Variants in SANBR observed in about 807,000 individuals in gnomAD.
SANBR encodes SANT and BTB domain regulator of class switch recombination.
SANBR carries 77 observed loss-of-function variants against 101.8 expected under a neutral mutation model. That is an observed-to-expected ratio of 0.76 (90% CI 0.63 to 0.91). SANBR has a LOEUF of 0.91. Among genes scored for constraint, SANBR ranks in the 40% least tolerant of loss-of-function variants. The pLI is 0.00. For synonymous variants in SANBR, 279 were observed against 274.7 expected (o/e 1.02, Z -0.15); for missense variants, 875 against 853.0 (o/e 1.03, Z -0.32).
At chr2:61,131,366 A>C (rs1257103740) in intron 20 of SANBR, among the ~76,000 whole-genome samples, 1 of 152,246 alleles carries the variant, frequency 6.6e-6, no homozygotes, top group African/African-American at 2.4e-5. Flanking sequence ...ATATAGGATC[A>C]ATATGAAGAA....
At chr2:61,128,075 A>G (rs1366134716), downstream of SANBR, among the ~76,000 whole-genome samples, 1 of 151,916 alleles carries the variant, frequency 6.6e-6, no homozygotes, top group Non-Finnish European at 1.5e-5. Flanking sequence ...GATTGAGACC[A>G]TCCTGGCTAA....
At chr2:61,134,051 A>G in intron 20 of SANBR, 4 of 1,560,938 alleles carry the variant, frequency 2.6e-6, no homozygotes, top group Non-Finnish European at 3.5e-6. Context: ...TAACAGCTAC[A>G]TCATTTTGTT....
At chr2:61,134,768 C>T (rs1684795262) in intron 21 of SANBR, among the ~76,000 whole-genome samples, 1 of 152,002 alleles carries the variant, frequency 6.6e-6, no homozygotes, top group South Asian at 2.1e-4. Context: ...GTGGCACATG[C>T]CTGTAGTCCC....
chr2:61,108,445 T>G, intron 15 of SANBR, 96 bp downstream of exon 15: 1 of 770,826 alleles, frequency 1.3e-6, no homozygotes, highest in Non-Finnish European at 2.0e-6. Context: ...TTTTACAAAT[T>G]TTAGTTAAAT....
intron 8 of SANBR, among the ~76,000 whole-genome samples, chr2:61,086,757 G>C (rs555395423): frequency 6.6e-6 from 1 of 152,130 alleles, no homozygotes; most frequent in South Asian, 2.1e-4. Context: ...TGTTTTTTTA[G>C]GAAGGGAGAT....
chr2:61,097,609 A>G, intron 11 of SANBR, 91 bp from the exon 12 acceptor site: 1 of 999,088 alleles, frequency 1.0e-6, no homozygotes. Context: ...TTCATATAAA[A>G]ATGGAACATA....
At chr2:61,120,848 C>T (rs1573670799) in intron 20 of SANBR, among the ~76,000 whole-genome samples, 1 of 152,082 alleles carries the variant, frequency 6.6e-6, no homozygotes, top group Non-Finnish European at 1.5e-5. Context: ...CTGGAAAATG[C>T]AAAACTATGG....
At chr2:61,110,844 A>T (rs1683796113) in intron 16 of SANBR, among the ~76,000 whole-genome samples, 1 of 111,644 alleles carries the variant, frequency 9.0e-6, no homozygotes, top group African/African-American at 3.1e-5. Flanking sequence ...GTGAAACTCC[A>T]TCTAAAAAAA....
chr2:61,121,708 G>A (rs1162446574), intron 21 of SANBR: 1 of 174,608 alleles, frequency 5.7e-6, no homozygotes, highest in Admixed American at 5.9e-5. Flanking sequence ...TTTTCTGTTA[G>A]AGATTAACAG....
downstream of SANBR, among the ~76,000 whole-genome samples, chr2:61,124,818 A>G (rs1442846078): frequency 6.6e-6 from 1 of 152,178 alleles, no homozygotes; most frequent in Admixed American, 6.6e-5. Flanking sequence ...GATTGTACAC[A>G]ATTGCATTTA....
intron 12 of SANBR, 121 bp from the exon 13 acceptor site, chr2:61,103,732 G>C: frequency 1.1e-6 from 1 of 887,476 alleles, no homozygotes; most frequent in East Asian, 2.6e-5. Context: ...TGTTTTTCTT[G>C]AGAAAAAGTT....
At chr2:61,071,408 G>A (rs1681460191) in intron 3 of SANBR, among the ~76,000 whole-genome samples, 198 bp from the exon 4 acceptor site, 1 of 151,990 alleles carries the variant, frequency 6.6e-6, no homozygotes, top group African/African-American at 2.4e-5. Flanking sequence ...AAATTTGCTG[G>A]GCATGGTGGC....
At chr2:61,067,460 G>A (rs942243974) in intron 1 of SANBR, among the ~76,000 whole-genome samples, 2 of 152,146 alleles carry the variant, frequency 1.3e-5, no homozygotes, top group African/African-American at 2.4e-5. Flanking sequence ...CGCCCTGGCC[G>A]GGTGCAGTGG....
In SANBR at chr2:61,088,433, G is replaced by A. The variant is rs1414079370; in HGVS notation, c.1053G>A (p.Val351=). The A allele has an allele frequency of 6.2e-7, 1 of 1,607,986 alleles. No individual in the cohort carries two copies. The highest frequency in any genetic ancestry group is 1.7e-5 in the Admixed American group (1 of 59,192). ...RIPCIPGKIN[V]DRRGNIVYIH... is the part of the protein sequence containing the mutation. Reference sequence around the variant, plus strand: ...CTTGCATTCCTGGAAAAATCAATGTGGATCGACGTGGAAATATTGTCTATA... The same window carrying A: ...CTTGCATTCCTGGAAAAATCAATGTAGATCGACGTGGAAATATTGTCTATA... The change falls in exon 10 of 22, where the codon GTG becomes GTA. Residue 351 remains valine, a synonymous_variant. Coordinates refer to ENST00000402291, the MANE Select transcript of SANBR (RefSeq NM_001129993.3).
intron 5 of SANBR, among the ~76,000 whole-genome samples, chr2:61,074,682 G>A (rs1443932458): frequency 6.6e-6 from 1 of 151,938 alleles, no homozygotes. Flanking sequence ...GGGATTACAG[G>A]TGTGATCCAC....
At chr2:61,134,643 C>A (rs908355196) in intron 21 of SANBR, among the ~76,000 whole-genome samples, 1 of 152,190 alleles carries the variant, frequency 6.6e-6, no homozygotes, top group African/African-American at 2.4e-5. Flanking sequence ...GCCTGTAGTC[C>A]CAGCATTTTG....
intron 6 of SANBR, among the ~76,000 whole-genome samples, chr2:61,078,429 C>T (rs919030945): frequency 1.3e-5 from 2 of 148,988 alleles, no homozygotes; most frequent in African/African-American, 4.9e-5. Flanking sequence ...ACTCTTTACT[C>T]TTTTTTTTTT....
In SANBR at chr2:61,123,553, A is replaced by G. The variant is rs991534252; in HGVS notation, c.*1391A>G. 1 of 962,374 alleles carries G rather than the reference A, an allele frequency of 1.0e-6. No individual in the cohort carries two copies. Among genetic ancestry groups the G allele is most frequent in the African/African-American group, 1.8e-5 (1 of 56,842 alleles). 59.6% of individuals were successfully genotyped at this position (962,374 alleles called of 1,614,324 possible). A position where few individuals can be genotyped will look rare whatever the true frequency, so the allele number is the denominator to read the frequency against. On this transcript the variant is annotated 3_prime_UTR_variant, in exon 22 of 22. Transcript: ENST00000402291. Reference sequence around the variant, plus strand: ...TTCGAAAGAAAATGTCTTGTAGTACATATTATATGTAAGTACTCTGTTAAA... The same window carrying G: ...TTCGAAAGAAAATGTCTTGTAGTACGTATTATATGTAAGTACTCTGTTAAA...
downstream of SANBR, among the ~76,000 whole-genome samples, chr2:61,126,826 C>G (rs900675255): frequency 2.6e-5 from 4 of 151,948 alleles, no homozygotes; most frequent in Non-Finnish European, 5.9e-5. Flanking sequence ...TGGCCTACCC[C>G]CTGGCTGCCT....
Sources: allele counts gnomAD v4.1 joint callset (sites outside exome capture counted in the v4.1 genomes callset), GRCh38; gene constraint gnomAD v4.1.1; transcripts MANE v1.5; gene names NCBI Gene and HGNC (gene_info 2026-07-23, HGNC 2026-07-21).